The following OPCML variants were observed in gnomAD, a reference collection of about 807,000 sequenced individuals.
The protein encoded by OPCML is opioid-binding protein/cell adhesion molecule.
OPCML carries 13 observed loss-of-function variants against 37.8 expected under a neutral mutation model. That is an observed-to-expected ratio of 0.34 (90% CI 0.22 to 0.55). The LOEUF (loss-of-function observed/expected upper bound fraction) is 0.55, where lower values mean the gene tolerates loss of function less well. Among genes scored for constraint, OPCML ranks in the 20% least tolerant of loss-of-function variants. The probability of loss-of-function intolerance (pLI) is 0.91; values close to 1 mark genes in which losing one functional copy is unlikely to be tolerated. For missense variants in OPCML, 341 were observed against 435.6 expected (o/e 0.78, Z 1.93); for synonymous variants, 176 against 168.8 (o/e 1.04, Z -0.33).
chr11:133,418,761 C>A (rs778155490), intron 1 of OPCML, among the ~76,000 whole-genome samples: 4 of 152,202 alleles, frequency 2.6e-5, no homozygotes, highest in African/African-American at 9.6e-5. Flanking sequence ...AAGATGTAGG[C>A]GTGGTTAAAC....
At chr11:132,754,318 A>T (rs921538364) in intron 2 of OPCML, among the ~76,000 whole-genome samples, 3 of 152,110 alleles carry the variant, frequency 2.0e-5, no homozygotes, top group Non-Finnish European at 4.4e-5. Flanking sequence ...CATGGGGATA[A>T]GTCTTTCCTG....
chr11:132,576,602 C>T (rs956586370), intron 3 of OPCML, among the ~76,000 whole-genome samples: 3 of 152,204 alleles, frequency 2.0e-5, no homozygotes, highest in African/African-American at 7.2e-5. Flanking sequence ...AATTATGTAA[C>T]TCTATTTCTA....
intron 4 of OPCML, among the ~76,000 whole-genome samples, chr11:132,500,930 A>T (rs1268956594): frequency 6.6e-6 from 1 of 152,214 alleles, no homozygotes; most frequent in Non-Finnish European, 1.5e-5. Context: ...TATATGTGCC[A>T]CATTTTCTTT....
chr11:133,036,861 T>A (rs1208048980), intron 1 of OPCML, among the ~76,000 whole-genome samples: 2 of 152,210 alleles, frequency 1.3e-5, no homozygotes, highest in East Asian at 1.9e-4. Flanking sequence ...AGATCTTCAG[T>A]TGTCCCACAT....
chr11:132,589,615 T>C (rs372092302), intron 3 of OPCML, among the ~76,000 whole-genome samples: 2 of 152,174 alleles, frequency 1.3e-5, no homozygotes, highest in Admixed American at 6.5e-5. Flanking sequence ...AACATTTAAG[T>C]GCAGGTTTGA....
intron 3 of OPCML, among the ~76,000 whole-genome samples, chr11:132,568,936 A>G (rs918637630): frequency 6.6e-6 from 1 of 152,264 alleles, no homozygotes; most frequent in Non-Finnish European, 1.5e-5. Context: ...ATACAAAAAC[A>G]TCTTTAATAC....
intron 1 of OPCML, among the ~76,000 whole-genome samples, chr11:133,101,411 A>G (rs1274176560): frequency 6.6e-6 from 1 of 152,258 alleles, no homozygotes; most frequent in Non-Finnish European, 1.5e-5. Flanking sequence ...ATTATCCAAA[A>G]TATAGAAACA....
intron 2 of OPCML, among the ~76,000 whole-genome samples, chr11:132,796,419 A>T (rs1473928546): frequency 1.3e-5 from 2 of 152,112 alleles, no homozygotes; most frequent in Non-Finnish European, 2.9e-5. Flanking sequence ...CACAGAATTG[A>T]TAAGCGTGAT....
chr11:133,345,375 TA>T (rs1392715431), intron 1 of OPCML, among the ~76,000 whole-genome samples: 1 of 152,254 alleles, frequency 6.6e-6, no homozygotes, highest in Non-Finnish European at 1.5e-5. Context: ...CTGCTTTTAA[TA>T]TGAATCATGC....
intron 2 of OPCML, among the ~76,000 whole-genome samples, chr11:132,930,296 C>T (rs1945154243): frequency 6.6e-6 from 1 of 151,950 alleles, no homozygotes. Flanking sequence ...CCTGAAAGGT[C>T]GAGGCTACAG....
At chr11:132,987,767 G>A (rs1282902666) in intron 1 of OPCML, among the ~76,000 whole-genome samples, 1 of 152,114 alleles carries the variant, frequency 6.6e-6, no homozygotes. Context: ...TAGCTCCTGA[G>A]GGCATCAGCA....
At chr11:133,095,081 T>C (rs1948978060) in intron 1 of OPCML, among the ~76,000 whole-genome samples, 1 of 151,826 alleles carries the variant, frequency 6.6e-6, no homozygotes, top group African/African-American at 2.4e-5. Flanking sequence ...CTCCACACGA[T>C]ATGGTTGTGT....
At chr11:133,362,623 G>C (rs1944448596) in intron 1 of OPCML, among the ~76,000 whole-genome samples, 1 of 152,232 alleles carries the variant, frequency 6.6e-6, no homozygotes, top group Admixed American at 6.5e-5. Flanking sequence ...GGGCTGAAGA[G>C]CGGGGGCTGG....
At chr11:132,627,384 A>T (rs1939813415) in intron 3 of OPCML, among the ~76,000 whole-genome samples, 1 of 152,212 alleles carries the variant, frequency 6.6e-6, no homozygotes. Flanking sequence ...CCTAATGTTA[A>T]GTATTAATGC....
At chr11:132,704,165 T>C (rs1245356697) in intron 2 of OPCML, among the ~76,000 whole-genome samples, 3 of 152,136 alleles carry the variant, frequency 2.0e-5, no homozygotes, top group Non-Finnish European at 4.4e-5. Flanking sequence ...AGTGCTTGTG[T>C]CTACAGGAAC....
chr11:133,068,020 T>G (rs1948466186), intron 1 of OPCML: 1 of 152,210 alleles, frequency 6.6e-6, no homozygotes, highest in Non-Finnish European at 1.5e-5. Context: ...TATTTTAAAT[T>G]TTAACAATAA....
At chr11:132,756,949 G>A (rs1298949524) in intron 2 of OPCML, among the ~76,000 whole-genome samples, 4 of 151,962 alleles carry the variant, frequency 2.6e-5, no homozygotes, top group Non-Finnish European at 5.9e-5. Context: ...CCCCCTGACA[G>A]GCCCTGATGT....
At chr11:133,376,880 G>A (rs1284022892) in intron 1 of OPCML, among the ~76,000 whole-genome samples, 3 of 152,120 alleles carry the variant, frequency 2.0e-5, no homozygotes, top group East Asian at 1.9e-4. Flanking sequence ...AGGACATGTC[G>A]GTGTAACCCA....
chr11:133,093,994 A>G (rs955163792), intron 1 of OPCML, among the ~76,000 whole-genome samples: 5 of 152,058 alleles, frequency 3.3e-5, no homozygotes, highest in African/African-American at 1.2e-4. Flanking sequence ...TATGTGGTTT[A>G]TTTTTTCTGC....
Sources: gnomAD v4.1 joint callset for allele counts (sites outside exome capture counted in the v4.1 genomes callset) on GRCh38, gnomAD v4.1.1 for gene constraint, MANE v1.5 for transcripts, NCBI Gene and HGNC (gene_info 2026-07-23, HGNC 2026-07-21) for gene names.